The following TPCN2 variants were observed in gnomAD, a reference collection of about 807,000 sequenced individuals.
The protein encoded by TPCN2 is two pore channel protein 2.
TPCN2 carries 92 observed loss-of-function variants against 111.4 expected under a neutral mutation model. That is an observed-to-expected ratio of 0.83 (90% CI 0.70 to 0.98). TPCN2 has a LOEUF of 0.98. Ranked by LOEUF, TPCN2 falls within the 50% of genes least tolerant of loss-of-function variation. The pLI, the probability that TPCN2 is intolerant of heterozygous loss-of-function variation, is 0.00. For synonymous variants in TPCN2, 405 were observed against 414.5 expected, an observed-to-expected ratio of 0.98 and a Z score of 0.28; for missense variants, 995 against 980.1, an observed-to-expected ratio of 1.02 and a Z score of -0.20.
intron 19 of TPCN2, 136 bp from the exon 20 acceptor site, chr11:69,085,074 C>A: frequency 2.2e-6 from 2 of 896,146 alleles, no homozygotes; most frequent in Non-Finnish European, 3.6e-6. Context: ...AAGTAGCAGC[C>A]AGGCTGGAAT....
At chr11:69,081,948 G>T (rs936475152) in intron 18 of TPCN2, among the ~76,000 whole-genome samples, 3 of 152,152 alleles carry the variant, frequency 2.0e-5, no homozygotes, top group South Asian at 2.1e-4. Flanking sequence ...CTGAGGGCTG[G>T]TTTCTCTTAA....
At chr11:69,086,893 G>GC (rs1565097138) in intron 23 of TPCN2, among the ~76,000 whole-genome samples, 52 of 149,382 alleles carry the variant, frequency 3.5e-4, no homozygotes, top group South Asian at 1.1e-3. Flanking sequence ...CATCTGGGCT[G>GC]TGGGGATTCT....
At position 69,087,119 on chromosome 11, in the gene TPCN2, T is replaced by C; in HGVS notation, c.2093T>C (p.Leu698Pro). 2 of 1,613,716 alleles carry C rather than the reference T, an allele frequency of 1.2e-6. No homozygotes were observed. Among genetic ancestry groups the C allele is most frequent in the East Asian group, 2.2e-5 (1 of 44,862 alleles). ...LFLALILENF[L>P]HKWDPRSHLQ... ...ACTCCTCCTGCTTGCCAGAACTTCCTTCACAAGTGGGACCCCCGCAGCCAC... is the reference window on the plus strand; with the variant it reads ...ACTCCTCCTGCTTGCCAGAACTTCCCTCACAAGTGGGACCCCCGCAGCCAC... Residue 698 changes from leucine to proline, a missense_variant, in exon 24 of 25, where the codon CTT becomes CCT. Physicochemically the swap from Leu to Pro is moderately conservative, Grantham distance 98. Coordinates refer to ENST00000294309, the MANE Select transcript of TPCN2 (RefSeq NM_139075.4).
At position 69,072,719 on chromosome 11, in the gene TPCN2, C is replaced by G; in HGVS notation, c.1143+11C>G. ...CAGGCCATGATGGAGGTACCCGCCC[C>G]CTGCTCCCAGCCTCCTCTGGGCTCC... On this transcript the variant is annotated intron_variant, in intron 12 of 24. Coordinates refer to ENST00000294309, the MANE Select transcript of TPCN2 (RefSeq NM_139075.4). 1 of 1,613,554 alleles carries G rather than the reference C, an allele frequency of 6.2e-7. No homozygotes were observed. Among genetic ancestry groups the G allele is most frequent in the East Asian group, 2.2e-5 (1 of 44,854 alleles).
In TPCN2 at chr11:69,087,013, C is replaced by T. The variant is rs1028531327; in HGVS notation, c.2086-99C>T. ...TCCAGGGTGAATGGCTCAGCCCCCT[C>T]AGCGGGTGCCCTGTGGCTGACCCTG... On this transcript the variant is annotated intron_variant, in intron 23 of 24. Transcript: ENST00000294309. 9 of 992,756 alleles carry T rather than the reference C, an allele frequency of 9.1e-6. No individual in the cohort carries two copies. The South Asian group carries it at 1.2e-4, about 13-fold the overall frequency. The allele number at this position is 992,756 out of a possible 1,614,324, so 61.5% of individuals were successfully genotyped here.
chr11:69,085,992 C>T lies in TPCN2; in HGVS notation c.2003+62C>T, dbSNP rs1035758714. 112 of 1,506,678 alleles carry T rather than the reference C, an allele frequency of 7.4e-5. 1 individual carries two copies. The highest frequency in any genetic ancestry group is 5.8e-4 in the South Asian group (50 of 86,110). The allele number at this position is 1,506,678 out of a possible 1,614,324, so 93.3% of individuals were successfully genotyped here. On this transcript the variant is annotated intron_variant, in intron 22 of 24. Coordinates refer to ENST00000294309, the MANE Select transcript of TPCN2 (RefSeq NM_139075.4). ...TGCAGCCTGGGGGTTCCCTCACCTCCGGGCACGCTGCATCTGCACTGGACG... is the reference window on the plus strand; with the variant it reads ...TGCAGCCTGGGGGTTCCCTCACCTCTGGGCACGCTGCATCTGCACTGGACG...
chr11:69,070,011 T>C (rs534774456), intron 8 of TPCN2, among the ~76,000 whole-genome samples: 35 of 147,352 alleles, frequency 2.4e-4, no homozygotes, highest in African/African-American at 8.2e-4. Flanking sequence ...CTTTTCTTTC[T>C]TTTTTTCTTT....
chr11:69,084,931 C>A, intron 19 of TPCN2: 1 of 542,504 alleles, frequency 1.8e-6, no homozygotes, highest in Non-Finnish European at 2.4e-6. Flanking sequence ...GCAGCCTGTC[C>A]CCTAACTGTG....
intron 13 of TPCN2, among the ~76,000 whole-genome samples, chr11:69,077,496 A>G (rs1047599693): frequency 6.6e-6 from 1 of 152,192 alleles, no homozygotes; most frequent in African/African-American, 2.4e-5. Flanking sequence ...ATCGAGGAGG[A>G]TGTCGGGAGC....
chr11:69,070,365 C>T (rs1855467808), intron 8 of TPCN2, 65 bp from the exon 9 acceptor site: 3 of 1,281,064 alleles, frequency 2.3e-6, no homozygotes, highest in South Asian at 2.4e-5. Context: ...AATAGTGTAG[C>T]GTCAGGATGG....
At chr11:69,078,191 C>G (rs1281275186) in intron 13 of TPCN2, among the ~76,000 whole-genome samples, 4 of 150,450 alleles carry the variant, frequency 2.7e-5, no homozygotes, top group Admixed American at 6.6e-5. Flanking sequence ...CAGGGTGACA[C>G]TTTGCGTATG....
chr11:69,075,350 T>G (rs1369381093), intron 13 of TPCN2, among the ~76,000 whole-genome samples: 1 of 152,170 alleles, frequency 6.6e-6, no homozygotes, highest in Non-Finnish European at 1.5e-5. Context: ...GATGATGTAG[T>G]GTTTGCATGT....
At chr11:69,084,844 A>G in intron 19 of TPCN2, 3 of 978,204 alleles carry the variant, frequency 3.1e-6, no homozygotes, top group Non-Finnish European at 3.6e-6. Context: ...GAGGCCCAGA[A>G]AGGGGACCAG....
At chr11:69,067,702 T>G (rs1855333740) in intron 8 of TPCN2, 97 bp downstream of exon 8, 1 of 1,046,238 alleles carries the variant, frequency 9.6e-7, no homozygotes, top group Non-Finnish European at 1.4e-6. Context: ...TGGGAGTTTC[T>G]GAGGCCTTTT....
chr11:69,082,047 A>G (rs1413156940), intron 18 of TPCN2, among the ~76,000 whole-genome samples: 2 of 152,106 alleles, frequency 1.3e-5, no homozygotes, highest in Admixed American at 6.5e-5. Context: ...ATCATGTCCT[A>G]AGACCCATGT....
At chr11:69,053,902 G>A in intron 1 of TPCN2, 131 bp from the exon 2 acceptor site, 2 of 746,454 alleles carry the variant, frequency 2.7e-6, no homozygotes, top group South Asian at 1.7e-5. Context: ...CCCCACTGCC[G>A]GGTGGAGTCA....
At chr11:69,053,258 C>T (rs1861314694) in intron 1 of TPCN2, among the ~76,000 whole-genome samples, 2 of 152,222 alleles carry the variant, frequency 1.3e-5, no homozygotes, top group South Asian at 4.1e-4. Flanking sequence ...GGGCGGCCAC[C>T]CTTCACCACA....
At chr11:69,073,308 C>T (rs1378064704) in intron 13 of TPCN2, among the ~76,000 whole-genome samples, 1 of 152,250 alleles carries the variant, frequency 6.6e-6, no homozygotes, top group African/African-American at 2.4e-5. Flanking sequence ...AGGAGGTCCA[C>T]ACACTGGTCC....
At chr11:69,082,665 G>C (rs535986648) in intron 18 of TPCN2, among the ~76,000 whole-genome samples, 1 of 145,108 alleles carries the variant, frequency 6.9e-6, no homozygotes, top group Non-Finnish European at 1.5e-5. Flanking sequence ...AGATATCCAT[G>C]TGAACTCGTG....
Sources: allele counts gnomAD v4.1 joint callset (sites outside exome capture counted in the v4.1 genomes callset), GRCh38; gene constraint gnomAD v4.1.1; transcripts MANE v1.5; gene names NCBI Gene and HGNC (gene_info 2026-07-23, HGNC 2026-07-21).